TEX261: variants seen among roughly 807,000 people sequenced by gnomAD.
TEX261 encodes protein TEX261.
In TEX261, 13 loss-of-function variants were observed where a neutral mutation model predicts 25.1. The ratio of observed to expected loss-of-function variants is 0.52; its 90% CI spans 0.34 to 0.82. The LOEUF (loss-of-function observed/expected upper bound fraction) is 0.82. Among genes scored for constraint, TEX261 ranks in the 40% least tolerant of loss-of-function variants. TEX261 has a pLI of 0.02. For synonymous variants in TEX261, 92 were observed against 97.8 expected (o/e 0.94, Z 0.35); for missense variants, 206 against 243.2 (o/e 0.85, Z 1.02).
At chr2:70,992,197 G>C (rs1314273977) in intron 2 of TEX261, among the ~76,000 whole-genome samples, 1 of 150,580 alleles carries the variant, frequency 6.6e-6, no homozygotes, top group East Asian at 2.0e-4. Flanking sequence ...CCAGGCTGGA[G>C]TGCAGTGGCG....
intron 4 of TEX261, chr2:70,989,318 C>A (rs944605355): frequency 2.7e-5 from 13 of 482,020 alleles, no homozygotes; most frequent in Admixed American, 1.0e-4. Flanking sequence ...CCCACACCCC[C>A]CAAAGAAGTG....
chr2:70,994,361 GC>G (rs1187449116), intron 1 of TEX261: 1 of 468,282 alleles, frequency 2.1e-6, no homozygotes, highest in Non-Finnish European at 3.8e-6. Flanking sequence ...GCGGCGGTAG[GC>G]GTTGGGGAAA....
chr2:70,993,612 C>T, intron 2 of TEX261, 84 bp downstream of exon 2: 1 of 1,102,748 alleles, frequency 9.1e-7, no homozygotes, highest in Non-Finnish European at 1.4e-6. Flanking sequence ...CAGGCCTCAT[C>T]ATCCATGCCA....
intron 2 of TEX261, among the ~76,000 whole-genome samples, chr2:70,993,157 A>T (rs534937105): frequency 1.3e-5 from 2 of 152,318 alleles, no homozygotes; most frequent in East Asian, 1.9e-4. Context: ...CAGCTGAAGG[A>T]AGTCTGTCCA....
At chr2:70,989,967 T>G in intron 3 of TEX261, 151 bp from the exon 4 acceptor site, 1 of 625,762 alleles carries the variant, frequency 1.6e-6, no homozygotes, top group Non-Finnish European at 2.9e-6. Context: ...CTAGAACCGT[T>G]TCCCATCTGC....
In TEX261 at chr2:70,989,806, C is replaced by T; in HGVS notation, c.315G>A (p.Val105=). The change falls in exon 4 of 6, where the codon GTG becomes GTA. Residue 105 remains valine, a synonymous_variant. Transcript: ENST00000272438. The part of the protein sequence containing the change: ...PNFILSCGLV[V]VNHYLAFQFF... Reference sequence around the variant, plus strand: ...ACTGAAATGCTAGGTAATGATTCACCACCACTAGTCCTGTTGAGGGAATGA... The same window carrying T: ...ACTGAAATGCTAGGTAATGATTCACTACCACTAGTCCTGTTGAGGGAATGA... The T allele has an allele frequency of 6.2e-7, 1 of 1,611,646 alleles. No individual in the cohort carries two copies. Among genetic ancestry groups the T allele is most frequent in the East Asian group, 2.2e-5 (1 of 44,866 alleles).
chr2:70,988,888 C>T, intron 5 of TEX261, 27 bp downstream of exon 5: 1 of 1,610,664 alleles, frequency 6.2e-7, no homozygotes, highest in Non-Finnish European at 8.5e-7. Context: ...TTGCCCCCAC[C>T]TGGGCCCCTT....
chr2:70,989,689 G>T (rs1558692845), intron 4 of TEX261, 60 bp downstream of exon 4: 1 of 1,127,514 alleles, frequency 8.9e-7, no homozygotes, highest in Non-Finnish European at 1.4e-6. Context: ...AGTAAACCAT[G>T]CAAGTTCCCT....
In TEX261 at chr2:70,986,645, AG is replaced by A. The variant is rs1387235777; in HGVS notation, c.*1954del. 6.6e-6 allele frequency: 1 copy of A among 152,628 alleles called. No homozygotes were observed. Among genetic ancestry groups the A allele is most frequent in the Non-Finnish European group, 1.5e-5 (1 of 68,054 alleles). 9.5% of individuals were successfully genotyped at this position (152,628 alleles called of 1,614,324 possible). ...TGGCTCCTGAGTGATCTCGGGGTCAAGGGAAGTACCCAGAAGGGGCAGGTTT... is the reference window on the plus strand; with the variant it reads ...TGGCTCCTGAGTGATCTCGGGGTCAAGGAAGTACCCAGAAGGGGCAGGTTT... On this transcript the variant is annotated 3_prime_UTR_variant, in exon 6 of 6. Transcript: ENST00000272438.
At chr2:70,989,609 CTA>C (rs1174307599) in intron 4 of TEX261, 138 bp downstream of exon 4, 3 of 673,706 alleles carry the variant, frequency 4.5e-6, no homozygotes, top group African/African-American at 1.8e-5. Flanking sequence ...CTCAAACCAT[CTA>C]TGTTTTGTTT....
At position 70,988,936 on chromosome 2, in the gene TEX261, G is replaced by A. The variant is rs1670248485; in HGVS notation, c.454C>T (p.Pro152Ser). Reference protein sequence around the residue: ...VSLSAGENVLPSTMQPGDDVV... With the variant: ...VSLSAGENVLSSTMQPGDDVV... ...TCACCTCCTGGCTGCATGGTAGAGG[G>A]CAGGACGTTCTCCCCGGCCGAAAGT... Residue 152 changes from proline to serine, a missense_variant, in exon 5 of 6, where the codon CCC becomes TCC. Physicochemically the swap from Pro to Ser is moderately conservative, Grantham distance 74. Transcript: ENST00000272438. 6.2e-7 allele frequency: 1 copy of A among 1,614,058 alleles called. No individual in the cohort carries two copies. Among genetic ancestry groups the A allele is most frequent in the African/African-American group, 1.3e-5 (1 of 75,014 alleles).
intron 1 of TEX261, 93 bp from the exon 2 acceptor site, chr2:70,993,868 C>A (rs781867281): frequency 3.1e-6 from 3 of 964,704 alleles, no homozygotes; most frequent in Non-Finnish European, 5.0e-6. Context: ...ATCCACCCTT[C>A]ATGGACCCCA....
chr2:70,993,663 T>G (rs2276684), intron 2 of TEX261, 33 bp downstream of exon 2: 308,475 of 1,570,440 alleles, frequency 0.2, 32,084 homozygotes, highest in Non-Finnish European at 0.22. Context: ...GGCAAAAGAG[T>G]GAGGAGGACT....
At position 70,992,044 on chromosome 2, in the gene TEX261, C is replaced by T. The variant is rs1020396025; in HGVS notation, c.151-61G>A. On this transcript the variant is annotated intron_variant, in intron 2 of 5. Transcript: ENST00000272438. Reference sequence around the variant, plus strand: ...CTTCCAGGCAACGTTCCTGGACTCACCAACCCCCAGCCCGCTCTGGGCAGC... The same window carrying T: ...CTTCCAGGCAACGTTCCTGGACTCATCAACCCCCAGCCCGCTCTGGGCAGC... 25 of 1,488,348 alleles carry T rather than the reference C, an allele frequency of 1.7e-5. No homozygotes were observed. The Middle Eastern group carries it at 9.3e-4, about 55-fold the overall frequency. The allele number at this position is 1,488,348 out of a possible 1,614,324, so 92.2% of individuals were successfully genotyped here.
chr2:70,989,922 C>T (rs953190457), intron 3 of TEX261, 106 bp from the exon 4 acceptor site: 13 of 790,560 alleles, frequency 1.6e-5, no homozygotes, highest in Non-Finnish European at 2.2e-5. Context: ...GAGTCTTAGG[C>T]CTGACTTTAC....
At chr2:70,991,741 T>C (rs1670301608) in intron 3 of TEX261, 89 bp downstream of exon 3, 11 of 1,493,398 alleles carry the variant, frequency 7.4e-6, no homozygotes, top group Non-Finnish European at 9.9e-6. Context: ...AACAGCTGGC[T>C]TCCTTTTTCT....
intron 4 of TEX261, chr2:70,989,277 G>C (rs1572940980): frequency 3.7e-6 from 2 of 542,708 alleles, no homozygotes; most frequent in East Asian, 6.4e-5. Flanking sequence ...ACTGAAGGAG[G>C]CAGACAAAGT....
rs1205040096 is a variant in TEX261 at position 70,990,635 on chromosome 2, C to G, written c.305-819G>C. 3.3e-5 allele frequency among the ~76,000 whole-genome samples: 5 copies of G among 152,336 alleles called. No individual in the cohort carries two copies. In the East Asian group the frequency reaches 9.6e-4, roughly 29 times the overall value. On this transcript the variant is annotated intron_variant, in intron 3 of 5. Transcript: ENST00000272438. ...ACACCTCACAGCAATTCTCATGTCT[C>G]CTTTCTTCTCTCCTGCCTCTCCCAT...
At position 70,994,793 on chromosome 2, in the gene TEX261, C is replaced by G; in HGVS notation, c.-36G>C. On this transcript the variant is annotated 5_prime_UTR_variant, in exon 1 of 6. Transcript: ENST00000272438. ...CCCGCCCGCTCCCCGGCCACCGGGA[C>G]GGGCCTGCGCGCTTCGGCTCCGGCG... 6.6e-7 allele frequency: 1 copy of G among 1,507,552 alleles called. No individual in the cohort carries two copies. Among genetic ancestry groups the G allele is most frequent in the Non-Finnish European group, 8.9e-7 (1 of 1,128,770 alleles). 93.4% of individuals were successfully genotyped at this position (1,507,552 alleles called of 1,614,324 possible). A position where few individuals can be genotyped will look rare whatever the true frequency, so the allele number is the denominator to read the frequency against.
Sources: allele counts gnomAD v4.1 joint callset (sites outside exome capture counted in the v4.1 genomes callset), GRCh38; gene constraint gnomAD v4.1.1; transcripts MANE v1.5; gene names NCBI Gene and HGNC (gene_info 2026-07-23, HGNC 2026-07-21).